The following COL10A1 variants were observed in gnomAD, a reference collection of about 807,000 sequenced individuals.
COL10A1 encodes collagen alpha-1(X) chain.
A neutral mutation model predicts 18.2 loss-of-function variants in COL10A1; 10 were observed. That is an observed-to-expected ratio of 0.55 (90% CI 0.34 to 0.93). The LOEUF (loss-of-function observed/expected upper bound fraction) is 0.93, where lower values mean the gene tolerates loss of function less well. COL10A1 is among the 40% of genes least tolerant of loss of function. The pLI, the probability that COL10A1 is intolerant of heterozygous loss-of-function variation, is 0.02. For synonymous variants in COL10A1, 330 were observed against 316.6 expected, an observed-to-expected ratio of 1.04 and a Z score of -0.45; for missense variants, 897 against 853.5, an observed-to-expected ratio of 1.05 and a Z score of -0.64.
the COL10A1 span, among the ~76,000 whole-genome samples, chr6:116,210,538 T>C: frequency 2.0e-5 from 3 of 151,934 alleles, no homozygotes; most frequent in Non-Finnish European, 4.4e-5. Context: ...AGCCTCTCTG[T>C]ATCTCGGATT....
the COL10A1 span, among the ~76,000 whole-genome samples, chr6:116,184,713 T>C: frequency 1.3e-5 from 2 of 152,110 alleles, no homozygotes; most frequent in Non-Finnish European, 2.9e-5. Context: ...TTCATATTTA[T>C]GTAGTATCAG....
the COL10A1 span, among the ~76,000 whole-genome samples, chr6:116,189,180 T>C: frequency 6.6e-6 from 1 of 151,806 alleles, no homozygotes; most frequent in Non-Finnish European, 1.5e-5. Flanking sequence ...AGTTGACCAC[T>C]CTTGAGAAAT....
the COL10A1 span, among the ~76,000 whole-genome samples, chr6:116,194,777 T>C: frequency 6.6e-6 from 1 of 152,164 alleles, no homozygotes; most frequent in East Asian, 1.9e-4. Context: ...GTAGTGGCTT[T>C]TGGGTACAAT....
chr6:116,160,562 T>G (rs1483014174), upstream of COL10A1, among the ~76,000 whole-genome samples: 1 of 152,204 alleles, frequency 6.6e-6, no homozygotes, highest in Admixed American at 6.5e-5. Context: ...TTTCTCTCAT[T>G]CTGTATATTG....
At chr6:116,173,238 C>G in the COL10A1 span, among the ~76,000 whole-genome samples, 290 of 152,318 alleles carry the variant, frequency 1.9e-3, no homozygotes, top group Non-Finnish European at 2.9e-3. Context: ...TACTCCTTAC[C>G]ACTCAACTTG....
Position 116,120,706 on chromosome 6 carries a change from T to C in COL10A1, c.1410A>G (p.Gly470=), listed in dbSNP as rs752643144. ...CAGCTGGGCCAGGAGGACCGGGACT[T>C]CCTGGATCCCCTTTAGACCCAGGGA... ...PGFPGSKGDP[G]SPGPPGPAGI... Residue 470 remains glycine, a synonymous_variant, in exon 3 of 3, where the codon GGA becomes GGG. Transcript: ENST00000651968. 2 of 1,559,232 alleles carry C rather than the reference T, an allele frequency of 1.3e-6. No homozygotes were observed. The highest frequency in any genetic ancestry group is 4.5e-5 in the East Asian group (2 of 44,500).
At chr6:116,167,406 G>A in the COL10A1 span, among the ~76,000 whole-genome samples, 1 of 151,766 alleles carries the variant, frequency 6.6e-6, no homozygotes, top group Admixed American at 6.6e-5. Context: ...TAGATACAGT[G>A]TTTCACCGTG....
chr6:116,139,670 A>G (rs77858475), intron 1 of COL10A1, among the ~76,000 whole-genome samples: 4,453 of 152,230 alleles, frequency 0.029, 245 homozygotes, highest in African/African-American at 0.1. Flanking sequence ...TTGATTTGCA[A>G]ATTACACATG....
chr6:116,135,872 T>TATATACAC (rs368675402), intron 1 of COL10A1, among the ~76,000 whole-genome samples: 14 of 121,308 alleles, frequency 1.2e-4, no homozygotes, highest in African/African-American at 4.9e-4. Context: ...TATATATATA[T>TATATACAC]ACACACATAC....
At chr6:116,192,038 G>A in the COL10A1 span, among the ~76,000 whole-genome samples, 4 of 152,116 alleles carry the variant, frequency 2.6e-5, no homozygotes, top group South Asian at 2.1e-4. Flanking sequence ...TTAATCTCCC[G>A]TTAGCCCATT....
the COL10A1 span, among the ~76,000 whole-genome samples, chr6:116,210,250 A>G: frequency 6.6e-6 from 1 of 152,000 alleles, no homozygotes; most frequent in African/African-American, 2.4e-5. Flanking sequence ...ATAAATTTAT[A>G]TGTAAGGTTC....
Position 116,120,545 on chromosome 6 carries a change from C to T in COL10A1, c.1571G>A (p.Gly524Asp), listed in dbSNP as rs1431050209. Residue 524 changes from glycine to aspartate, a missense_variant, in exon 3 of 3, where the codon GGT becomes GAT. Gly to Asp is a moderately conservative substitution (Grantham distance 94). Coordinates refer to ENST00000651968, the MANE Select transcript of COL10A1 (RefSeq NM_000493.4). The stretch of plus-strand genomic sequence containing the variant: ...GGGCCTTTGGCCTGCCTTTATAAAA[C>T]CCTCAGGCATGACTGCTTGACCTGG... Reference protein sequence around the residue: ...GPPGQAVMPEGFIKAGQRPSL... With the variant: ...GPPGQAVMPEDFIKAGQRPSL... 1.2e-6 allele frequency: 2 copies of T among 1,613,464 alleles called. No homozygotes were observed. Among genetic ancestry groups the T allele is most frequent in the African/African-American group, 2.7e-5 (2 of 74,846 alleles).
At chr6:116,213,643 A>G in the COL10A1 span, among the ~76,000 whole-genome samples, 1 of 152,112 alleles carries the variant, frequency 6.6e-6, no homozygotes, top group Non-Finnish European at 1.5e-5. Flanking sequence ...TTTTATATTC[A>G]ATAAATTTAA....
In COL10A1 at chr6:116,120,552, G is replaced by C; in HGVS notation, c.1564C>G (p.Pro522Ala). 6.2e-7 allele frequency: 1 copy of C among 1,612,690 alleles called. No individual in the cohort carries two copies. The highest frequency in any genetic ancestry group is 8.5e-7 in the Non-Finnish European group (1 of 1,179,262). Residue 522 changes from proline to alanine, a missense_variant, in exon 3 of 3, where the codon CCT becomes GCT. Transcript: ENST00000651968. ...PPGPPGQAVMPEGFIKAGQRP... is the reference protein window; with the variant it reads ...PPGPPGQAVMAEGFIKAGQRP... ...TGGCCTGCCTTTATAAAACCCTCAG[G>C]CATGACTGCTTGACCTGGTGGGCCT...
At chr6:116,149,460 A>C (rs1779980443) in intron 1 of COL10A1, among the ~76,000 whole-genome samples, 1 of 152,218 alleles carries the variant, frequency 6.6e-6, no homozygotes, top group Non-Finnish European at 1.5e-5. Context: ...TACTAAGAGA[A>C]CACTAACCTA....
chr6:116,132,044 A>G (rs1316226411), intron 1 of COL10A1, among the ~76,000 whole-genome samples: 2 of 152,134 alleles, frequency 1.3e-5, no homozygotes, highest in Non-Finnish European at 2.9e-5. Flanking sequence ...CATGGGGTAT[A>G]TGTACCACAT....
chr6:116,200,062 C>T, the COL10A1 span, among the ~76,000 whole-genome samples: 1 of 151,758 alleles, frequency 6.6e-6, no homozygotes, highest in African/African-American at 2.4e-5. Context: ...CCAAATCATC[C>T]AGGTCAACAT....
chr6:116,187,076 C>T, the COL10A1 span, among the ~76,000 whole-genome samples: 2 of 152,050 alleles, frequency 1.3e-5, no homozygotes, highest in Admixed American at 1.3e-4. Flanking sequence ...GTGGTGTTCT[C>T]CCCTTTCCCC....
chr6:116,209,585 A>G, the COL10A1 span, among the ~76,000 whole-genome samples: 1 of 152,094 alleles, frequency 6.6e-6, no homozygotes, highest in Non-Finnish European at 1.5e-5. Flanking sequence ...TCCTCATAGA[A>G]GGTAACCTTG....
Sources: allele counts gnomAD v4.1 joint callset (sites outside exome capture counted in the v4.1 genomes callset), GRCh38; gene constraint gnomAD v4.1.1; transcripts MANE v1.5; gene names NCBI Gene and HGNC (gene_info 2026-07-23, HGNC 2026-07-21).